VAC14: variants seen among roughly 807,000 people sequenced by gnomAD.
VAC14 encodes protein VAC14 homolog.
Under a neutral mutation model 85.3 loss-of-function variants are expected in VAC14, and 47 were observed. That is an observed-to-expected ratio of 0.55 (90% confidence interval 0.44 to 0.70). The LOEUF (loss-of-function observed/expected upper bound fraction) is 0.70, where lower values mean the gene tolerates loss of function less well. Among genes scored for constraint, VAC14 ranks in the 30% least tolerant of loss-of-function variants. VAC14 has a pLI of 0.00. For missense variants in VAC14, 861 were observed against 1,004.3 expected, an observed-to-expected ratio of 0.86 and a Z score of 1.93; for synonymous variants, 447 against 430.5, an observed-to-expected ratio of 1.04 and a Z score of -0.47.
At chr16:70,727,719 A>C (rs1204872166) in intron 14 of VAC14, among the ~76,000 whole-genome samples, 1 of 152,232 alleles carries the variant, frequency 6.6e-6, no homozygotes, top group Non-Finnish European at 1.5e-5. Flanking sequence ...ACCCCCCTCC[A>C]CCTCAACAAA....
chr16:70,695,109 CTT>C (rs574700749), intron 17 of VAC14, among the ~76,000 whole-genome samples: 61 of 136,482 alleles, frequency 4.5e-4, no homozygotes, highest in Middle Eastern at 3.9e-3. Context: ...TCATCCCAGT[CTT>C]TTTTTTTTTT....
rs1185984970 is a variant in VAC14 at position 70,762,954 on chromosome 16, G to A, written c.1232C>T (p.Thr411Met). ...VQVLNCHLSD[T>M]AIGMMTRIAV... ...AATCCTGGTCATCATCCCAATGGCC[G>A]TGTCACTGAGGTGGCAGTTTAGGAC... Residue 411 changes from threonine to methionine, a missense_variant, in exon 11 of 19, where the codon ACG becomes ATG. Around this residue, in one of 3 missense-constraint regions of VAC14, gnomAD observed 629 missense variants for 703.1 expected, o/e 0.89. Transcript: ENST00000261776. The surrounding 1 kb of genome is among the most constrained non-coding windows in gnomAD (Gnocchi z 4.1). 16 of 1,614,206 alleles carry A rather than the reference G, an allele frequency of 9.9e-6. No individual in the cohort carries two copies. The highest frequency in any genetic ancestry group is 3.3e-4 in the Middle Eastern group (2 of 6,062).
chr16:70,715,591 G>GTTCCATT (rs1436350115), intron 14 of VAC14: 2 of 152,302 alleles, frequency 1.3e-5, no homozygotes, highest in African/African-American at 4.8e-5. Flanking sequence ...GCTCCCGGCG[G>GTTCCATT]TTCCATTCTC....
intron 13 of VAC14, 111 bp downstream of exon 13, chr16:70,744,312 G>A: frequency 2.1e-6 from 3 of 1,440,082 alleles, no homozygotes; most frequent in Non-Finnish European, 2.8e-6. Context: ...TCACACCCTG[G>A]CAGAGCTCCA....
At chr16:70,699,597 GA>G (rs1358443599) in intron 14 of VAC14, 2 of 152,212 alleles carry the variant, frequency 1.3e-5, no homozygotes, top group Non-Finnish European at 1.5e-5. Flanking sequence ...AGAGGATGAA[GA>G]AAAGCAGATT....
At chr16:70,784,033 C>T (rs1023616028) in intron 5 of VAC14, 80 bp downstream of exon 5, 1 of 1,182,902 alleles carries the variant, frequency 8.5e-7, no homozygotes, top group Non-Finnish European at 1.3e-6. Context: ...TTCCTATAGC[C>T]AAAGGGCCTG....
rs751503684 is a variant in VAC14, at chr16:70,783,522, G to A, written c.627C>T (p.Asn209=). 11 of 1,614,012 alleles carry A rather than the reference G, an allele frequency of 6.8e-6. No individual in the cohort carries two copies. Among genetic ancestry groups the A allele is most frequent in the Non-Finnish European group, 8.5e-6 (10 of 1,180,034 alleles). Residue 209 remains asparagine, a synonymous_variant, in exon 6 of 19, where the codon AAC becomes AAT. Coordinates refer to ENST00000261776, the MANE Select transcript of VAC14 (RefSeq NM_018052.5). The part of the protein sequence containing the change: ...ILVLESVPDI[N]LLDYLPEILD... ...GGATCTCCGGCAGGTAATCCAGCAG[G>A]TTAATGTCTGGCACCGACTCCAGAA... is the stretch of plus-strand genomic sequence containing the variant.
intron 14 of VAC14, among the ~76,000 whole-genome samples, chr16:70,706,881 C>T (rs2053930224): frequency 6.6e-6 from 1 of 152,172 alleles, no homozygotes; most frequent in Non-Finnish European, 1.5e-5. Flanking sequence ...CAGTACTTTC[C>T]TAGGAGACAC....
At chr16:70,751,558 G>A (rs2031389274) in intron 12 of VAC14, among the ~76,000 whole-genome samples, 1 of 152,362 alleles carries the variant, frequency 6.6e-6, no homozygotes, top group Non-Finnish European at 1.5e-5. Flanking sequence ...CTCCAAGCAG[G>A]AGCCTGGCCC....
chr16:70,753,863 G>T (rs1014564808), intron 12 of VAC14, among the ~76,000 whole-genome samples: 1 of 152,192 alleles, frequency 6.6e-6, no homozygotes, highest in South Asian at 2.1e-4. Context: ...TAGGAGGTGT[G>T]AGTGAGAGCG....
intron 14 of VAC14, among the ~76,000 whole-genome samples, chr16:70,729,367 C>G (rs2054522062): frequency 6.6e-6 from 1 of 152,190 alleles, no homozygotes; most frequent in South Asian, 2.1e-4. Flanking sequence ...AGCCCTGTCC[C>G]CCACTGTGGT....
intron 14 of VAC14, among the ~76,000 whole-genome samples, chr16:70,700,822 G>A (rs1219155965): frequency 2.0e-5 from 3 of 152,232 alleles, no homozygotes; most frequent in Non-Finnish European, 2.9e-5. Context: ...ACAAGTGCCC[G>A]TCGCCGGCAG....
At chr16:70,741,723 TC>T (rs2030330984) in intron 13 of VAC14, among the ~76,000 whole-genome samples, 1 of 152,222 alleles carries the variant, frequency 6.6e-6, no homozygotes, top group Non-Finnish European at 1.5e-5. Flanking sequence ...GCTTTGTCGT[TC>T]TTCTATGAAT....
In VAC14 at chr16:70,698,562, A is replaced by AG. The variant is rs1046394280; in HGVS notation, c.1836+74dup. 4.5e-6 allele frequency: 7 copies of AG among 1,562,158 alleles called. No homozygotes were observed. The African/African-American group carries it at 6.8e-5, about 15-fold the overall frequency. On this transcript the variant is annotated intron_variant, in intron 15 of 18. Coordinates refer to ENST00000261776, the MANE Select transcript of VAC14 (RefSeq NM_018052.5). Reference sequence around the variant, plus strand: ...CCTGAGAGCCTCCTGGGGCCAGCCGAGGGGCGGGCTCACACAGGGTGTGCC... The same window carrying AG: ...CCTGAGAGCCTCCTGGGGCCAGCCGAGGGGGCGGGCTCACACAGGGTGTGCC...
At position 70,687,941 on chromosome 16, in the gene VAC14, C is replaced by T. The variant is rs747485301; in HGVS notation, c.2336G>A (p.Arg779Lys). 1.9e-6 allele frequency: 3 copies of T among 1,562,736 alleles called. No homozygotes were observed. Among genetic ancestry groups the T allele is most frequent in the East Asian group, 4.7e-5 (2 of 42,158 alleles). Reference sequence around the variant, plus strand: ...GTGCCAGGCCTGTCAGAGGACAACCCTCCGGTCCAGGTGGTCCCCACGCCC... The same window carrying T: ...GTGCCAGGCCTGTCAGAGGACAACCTTCCGGTCCAGGTGGTCCCCACGCCC... ...RSGRGDHLDRRVVL is the reference protein window; with the variant it reads ...RSGRGDHLDRKVVL The change falls in exon 19 of 19, where the codon AGG becomes AAG. Residue 779 changes from arginine (R) to lysine (K), a missense_variant. Coordinates refer to ENST00000261776, the MANE Select transcript of VAC14 (RefSeq NM_018052.5).
chr16:70,757,390 A>T (rs2031958325), intron 12 of VAC14, among the ~76,000 whole-genome samples: 1 of 152,170 alleles, frequency 6.6e-6, no homozygotes, highest in African/African-American at 2.4e-5. Flanking sequence ...ACCTGCTGAC[A>T]ATGGGGCTCT....
At chr16:70,780,308 A>T (rs1322510992) in intron 9 of VAC14, among the ~76,000 whole-genome samples, 1 of 151,768 alleles carries the variant, frequency 6.6e-6, no homozygotes, top group East Asian at 1.9e-4. Context: ...AGCTTTCTTA[A>T]CCCTCCCACC....
intron 1 of VAC14, among the ~76,000 whole-genome samples, chr16:70,787,397 T>C (rs1289685867): frequency 3.3e-5 from 5 of 152,084 alleles, no homozygotes; most frequent in South Asian, 2.1e-4. Flanking sequence ...TGGACAGTGA[T>C]GCTGACAGGG....
intron 14 of VAC14, among the ~76,000 whole-genome samples, chr16:70,712,234 A>T (rs2054050249): frequency 6.6e-6 from 1 of 152,204 alleles, no homozygotes; most frequent in African/African-American, 2.4e-5. Flanking sequence ...GGCCCCAGAC[A>T]TGAGGCGTCC....
Sources: allele counts gnomAD v4.1 joint callset (sites outside exome capture counted in the v4.1 genomes callset), GRCh38; gene constraint gnomAD v4.1.1; regional missense constraint gnomAD v4.1.1; non-coding constraint Gnocchi (gnomAD v3.1); transcripts MANE v1.5; gene names NCBI Gene and HGNC (gene_info 2026-07-23, HGNC 2026-07-21).